Variants in XRCC4 observed in about 807,000 individuals in gnomAD.
The protein encoded by XRCC4 is X-ray repair cross complementing 4.
XRCC4 carries 28 observed loss-of-function variants against 39.1 expected under a neutral mutation model. The observed-to-expected ratio is 0.72, with a 90% CI of 0.53 to 0.98. The LOEUF is 0.98. XRCC4 is among the 50% of genes least tolerant of loss of function. The pLI, the probability that XRCC4 is intolerant of heterozygous loss-of-function variation, is 0.00. For synonymous variants in XRCC4, 123 were observed against 126.4 expected, an observed-to-expected ratio of 0.97 and a Z score of 0.18; for missense variants, 350 against 376.4, an observed-to-expected ratio of 0.93 and a Z score of 0.58.
rs909349063 is a variant in XRCC4 at position 83,297,469 on chromosome 5, T to C, written c.893+38792T>C. ...CAAACTGAATTTCTTCAAAACGCAA[T>C]GCTTAGGAACATTTTCTCTTGAGTT... On this transcript the variant is annotated intron_variant, in intron 7 of 7. Transcript: ENST00000396027. Among the ~76,000 whole-genome samples, 7 of 152,066 alleles carry C rather than the reference T, an allele frequency of 4.6e-5. No homozygotes were observed. In the East Asian group the frequency reaches 1.4e-3, roughly 29 times the overall value.
chr5:83,342,570 A>G (rs1163677419), intron 7 of XRCC4, among the ~76,000 whole-genome samples: 2 of 152,162 alleles, frequency 1.3e-5, no homozygotes, highest in African/African-American at 4.8e-5. Context: ...TAACAAATGC[A>G]ATTTCTTTTA....
intron 1 of XRCC4, among the ~76,000 whole-genome samples, chr5:83,091,055 A>C (rs1034403798): frequency 2.6e-5 from 4 of 152,188 alleles, no homozygotes; most frequent in Non-Finnish European, 5.9e-5. Flanking sequence ...CTCAATTGTT[A>C]GCTATGTTCA....
chr5:83,212,941 A>AG (rs1491027309), intron 6 of XRCC4, among the ~76,000 whole-genome samples: 2 of 148,374 alleles, frequency 1.3e-5, no homozygotes, highest in African/African-American at 2.5e-5. Context: ...AAAAAAAAAA[A>AG]CACCAAAATA....
chr5:83,168,959 G>T (rs1479204577), intron 3 of XRCC4, among the ~76,000 whole-genome samples: 1 of 152,168 alleles, frequency 6.6e-6, no homozygotes, highest in Non-Finnish European at 1.5e-5. Flanking sequence ...GAATGATGCT[G>T]ATGGGAGCTC....
At chr5:83,196,690 A>T (rs1364696962) in intron 4 of XRCC4, among the ~76,000 whole-genome samples, 3 of 151,462 alleles carry the variant, frequency 2.0e-5, no homozygotes, top group African/African-American at 7.3e-5. Context: ...ATATACAGTG[A>T]GAAAGAAAAT....
chr5:83,121,814 A>T (rs1348173579), intron 3 of XRCC4, among the ~76,000 whole-genome samples: 1 of 152,002 alleles, frequency 6.6e-6, no homozygotes, highest in African/African-American at 2.4e-5. Context: ...TGAGCGCTAT[A>T]GTTTTAGATT....
intron 7 of XRCC4, among the ~76,000 whole-genome samples, chr5:83,298,668 T>C (rs1755175005): frequency 6.6e-6 from 1 of 151,968 alleles, no homozygotes; most frequent in Admixed American, 6.6e-5. Context: ...TTTAATCTCA[T>C]CTAGTAGTTT....
chr5:83,329,353 C>T (rs73140211), intron 7 of XRCC4, among the ~76,000 whole-genome samples: 19,721 of 151,918 alleles, frequency 0.13, 2,931 homozygotes, highest in African/African-American at 0.36. Flanking sequence ...ACAACCCATG[C>T]AGTGAGAGAA....
At chr5:83,295,134 T>A (rs1224578041) in intron 7 of XRCC4, among the ~76,000 whole-genome samples, 1 of 152,036 alleles carries the variant, frequency 6.6e-6, no homozygotes, top group Non-Finnish European at 1.5e-5. Flanking sequence ...TTCTTAAATC[T>A]TTTTATATAC....
At chr5:83,315,247 G>C (rs1347267390) in intron 7 of XRCC4, among the ~76,000 whole-genome samples, 1 of 152,078 alleles carries the variant, frequency 6.6e-6, no homozygotes, top group African/African-American at 2.4e-5. Flanking sequence ...TTCTGTGAAG[G>C]CTGAGAGAGG....
In XRCC4 at chr5:83,195,903, G is replaced by A. The variant is rs757278630; in HGVS notation, c.449G>A (p.Arg150Lys). 2.2e-5 allele frequency: 36 copies of A among 1,611,208 alleles called. No homozygotes were observed. The South Asian group carries it at 3.7e-4, about 17-fold the overall frequency. The stretch of plus-strand genomic sequence containing the variant: ...GAGCACCTGCAGAAAGAAAATGAAA[G>A]GCTTCTGAGAGATTGGAATGATGTT... The part of the protein sequence containing the change: ...KNEHLQKENE[R>K]LLRDWNDVQG... The change falls in exon 4 of 8, where the codon AGG becomes AAG. Residue 150 changes from arginine (R) to lysine (K), a missense_variant. By Grantham distance (26) the Arg-to-Lys change is conservative (BLOSUM62 2). Transcript: ENST00000396027.
chr5:83,302,935 G>A lies in XRCC4; in HGVS notation c.893+44258G>A, dbSNP rs575612191. ...TAAATAGTACAAAAGATGTCAGGCC[G>A]GGCGCAGTGGCTTACGCCTGTAATC... On this transcript the variant is annotated intron_variant, in intron 7 of 7. Transcript: ENST00000396027. Among the ~76,000 whole-genome samples, 17 of 152,270 alleles carry A rather than the reference G, an allele frequency of 1.1e-4. No homozygotes were observed. In the East Asian group the frequency reaches 2.1e-3, roughly 19 times the overall value.
intron 3 of XRCC4, among the ~76,000 whole-genome samples, chr5:83,179,546 C>T (rs1750115679): frequency 6.6e-6 from 1 of 152,122 alleles, no homozygotes; most frequent in Admixed American, 6.5e-5. Flanking sequence ...GCTTTAACTT[C>T]TTGGCTCTGT....
At chr5:83,276,156 A>G (rs547748947) in intron 7 of XRCC4, among the ~76,000 whole-genome samples, 1 of 152,158 alleles carries the variant, frequency 6.6e-6, no homozygotes. Flanking sequence ...ATGTGGTACA[A>G]TACTTCTCAA....
chr5:83,251,504 A>G (rs1289080650), intron 6 of XRCC4, among the ~76,000 whole-genome samples: 1 of 148,044 alleles, frequency 6.8e-6, no homozygotes, highest in Non-Finnish European at 1.5e-5. Context: ...AGCCTGGGCG[A>G]CAGAACGAGA....
intron 4 of XRCC4, among the ~76,000 whole-genome samples, chr5:83,197,359 GT>G (rs1488265228): frequency 2.6e-5 from 4 of 152,152 alleles, no homozygotes; most frequent in African/African-American, 9.6e-5. Flanking sequence ...TGCTATGGTC[GT>G]GATAAGCCAT....
chr5:83,185,449 T>C (rs975405156), intron 3 of XRCC4, among the ~76,000 whole-genome samples: 130 of 150,340 alleles, frequency 8.6e-4, no homozygotes, highest in Non-Finnish European at 2.4e-4. Context: ...TAAAACTTAA[T>C]GAGTTTGTTG....
At chr5:83,217,407 A>T (rs1324415985) in intron 6 of XRCC4, among the ~76,000 whole-genome samples, 2 of 151,920 alleles carry the variant, frequency 1.3e-5, no homozygotes, top group African/African-American at 4.8e-5. Context: ...TGTTCAGAAA[A>T]ATTCTTGTAC....
chr5:83,078,922 A>C (rs969390098), intron 1 of XRCC4, among the ~76,000 whole-genome samples: 1 of 152,262 alleles, frequency 6.6e-6, no homozygotes, highest in African/African-American at 2.4e-5. Flanking sequence ...TTGCCATTCA[A>C]ATTAAACAAA....
Sources: allele counts gnomAD v4.1 joint callset (sites outside exome capture counted in the v4.1 genomes callset), GRCh38; gene constraint gnomAD v4.1.1; transcripts MANE v1.5; gene names NCBI Gene and HGNC (gene_info 2026-07-23, HGNC 2026-07-21).